The following SPAG9 variants were observed in gnomAD, a reference collection of about 807,000 sequenced individuals.
SPAG9 encodes the protein C-Jun-amino-terminal kinase-interacting protein 4.
Under a neutral mutation model 166.5 loss-of-function variants are expected in SPAG9, and 35 were observed. The observed-to-expected ratio is 0.21, with a 90% CI of 0.16 to 0.28. The LOEUF (loss-of-function observed/expected upper bound fraction) is 0.28. SPAG9 is among the 10% of genes least tolerant of loss of function. The pLI is 1.00. For missense variants in SPAG9, 1,235 were observed against 1,603.3 expected, an observed-to-expected ratio of 0.77 and a Z score of 3.92; for synonymous variants, 534 against 565.5, an observed-to-expected ratio of 0.94 and a Z score of 0.79.
At chr17:51,064,783 A>G (rs1430466693) in intron 2 of SPAG9, among the ~76,000 whole-genome samples, 1 of 152,158 alleles carries the variant, frequency 6.6e-6, no homozygotes, top group Non-Finnish European at 1.5e-5. Flanking sequence ...GCGATTGTAC[A>G]ACCTTGAAAA....
At position 50,982,570 on chromosome 17, in the gene SPAG9, T is replaced by A; in HGVS notation, c.3191A>T (p.Tyr1064Phe). 6.2e-7 allele frequency: 1 copy of A among 1,614,098 alleles called. No individual in the cohort carries two copies. Among genetic ancestry groups the A allele is most frequent in the Non-Finnish European group, 8.5e-7 (1 of 1,179,996 alleles). Residue 1064 changes from tyrosine to phenylalanine, a missense_variant, in exon 25 of 30, where the codon TAT (tyrosine) becomes TTT (phenylalanine). Physicochemically the swap from Tyr to Phe is conservative, Grantham distance 22. Around this residue, in one of 6 missense-constraint regions of SPAG9, gnomAD observed 243 missense variants for 358.6 expected, o/e 0.68. Coordinates refer to ENST00000262013, the MANE Select transcript of SPAG9 (RefSeq NM_001130528.3). ...TVVHDKVWCG[Y>F]RNKIYVVQPK... The stretch of plus-strand genomic sequence containing the variant: ...CTGCACCACATAGATTTTGTTCCTA[T>A]AGCCACACCAGACTTTGTCATGTAC...
At chr17:51,086,490 A>T (rs899943668) in intron 1 of SPAG9, among the ~76,000 whole-genome samples, 32 of 125,968 alleles carry the variant, frequency 2.5e-4, no homozygotes, top group South Asian at 9.6e-4. Flanking sequence ...AAAACACGAT[A>T]AAAAAAAAAA....
At chr17:50,988,738 G>A (rs1195537098) in intron 21 of SPAG9, among the ~76,000 whole-genome samples, 1 of 152,130 alleles carries the variant, frequency 6.6e-6, no homozygotes, top group African/African-American at 2.4e-5. Context: ...GTTTTTTGTA[G>A]AGATGAGGGT....
Position 51,053,855 on chromosome 17 carries a change from GTATATATATATATATATATA to G in SPAG9, c.495+2537_495+2556del, listed in dbSNP as rs1161592026. Among the ~76,000 whole-genome samples, 95 of 37,750 alleles carry G rather than the reference GTATATATATATATATATATA, an allele frequency of 2.5e-3. 1 individual carries two copies. Among genetic ancestry groups the G allele is most frequent in the East Asian group, 0.012 (9 of 760 alleles). The allele number at this position is 37,750 out of a possible 152,430, so 24.8% of individuals were successfully genotyped here. On this transcript the variant is annotated intron_variant, in intron 3 of 29. Transcript: ENST00000262013. ...CCTAATTAAAAAAAAAAAAAAAAAA[GTATATATATATATATATATA>G]TATATATATATATATATATATATAA...
At chr17:51,023,910 C>T (rs988798599) in intron 6 of SPAG9, among the ~76,000 whole-genome samples, 1 of 152,222 alleles carries the variant, frequency 6.6e-6, no homozygotes, top group Non-Finnish European at 1.5e-5. Flanking sequence ...AAGCGATCTG[C>T]TGGCCTCAGC....
intron 1 of SPAG9, among the ~76,000 whole-genome samples, chr17:51,095,130 CT>C (rs963323697): frequency 6.6e-6 from 1 of 150,520 alleles, no homozygotes; most frequent in African/African-American, 2.4e-5. Flanking sequence ...CCCGTCTCTA[CT>C]AAAAATACAA....
At chr17:51,026,876 A>C (rs1386026529) in intron 6 of SPAG9, among the ~76,000 whole-genome samples, 1 of 151,658 alleles carries the variant, frequency 6.6e-6, no homozygotes, top group East Asian at 2.0e-4. Context: ...AGGTTTCTCC[A>C]TGTTGGTCAG....
intron 1 of SPAG9, among the ~76,000 whole-genome samples, chr17:51,112,042 T>C (rs2049127078): frequency 1.3e-5 from 2 of 151,386 alleles, no homozygotes; most frequent in African/African-American, 2.4e-5. Flanking sequence ...TCTTTGTCTT[T>C]AAAAAAAAAT....
At chr17:51,105,074 C>T (rs1271546871) in intron 1 of SPAG9, among the ~76,000 whole-genome samples, 4 of 151,832 alleles carry the variant, frequency 2.6e-5, no homozygotes, top group Admixed American at 1.3e-4. Flanking sequence ...CCAGCCTAGG[C>T]GACTGAGCGA....
chr17:51,031,895 C>T (rs1483044100), intron 5 of SPAG9, 173 bp from the exon 6 acceptor site: 1 of 689,734 alleles, frequency 1.4e-6, no homozygotes, highest in African/African-American at 1.8e-5. Flanking sequence ...CTGACCTTAA[C>T]ACTCTAGTTT....
intron 26 of SPAG9, 59 bp from the exon 27 acceptor site, chr17:50,977,280 C>G (rs1974272169): frequency 9.5e-7 from 1 of 1,056,860 alleles, no homozygotes; most frequent in Non-Finnish European, 1.5e-6. Context: ...GTTTTACATT[C>G]CAAGTTCCTT....
At position 51,031,692 on chromosome 17, in the gene SPAG9, C is replaced by T. The variant is rs1463009187; in HGVS notation, c.772G>A (p.Val258Ile). Reference protein sequence around the residue: ...VSNSPEPQKAVEQEDELSDVS... With the variant: ...VSNSPEPQKAIEQEDELSDVS... ...AGCACCATTCTCACCTCCTGTTCTA[C>T]AGCCTTCTGAGGTTCAGGACTATTG... The change falls in exon 6 of 30, where the codon GTA (valine) becomes ATA (isoleucine). Residue 258 changes from valine to isoleucine, a missense_variant. Physicochemically the swap from Val to Ile is conservative, Grantham distance 29 (BLOSUM62 3). Transcript: ENST00000262013. 9.0e-6 allele frequency: 14 copies of T among 1,550,898 alleles called. No homozygotes were observed. Among genetic ancestry groups the T allele is most frequent in the African/African-American group, 4.1e-5 (3 of 73,008 alleles).
At chr17:50,969,854 A>G (rs116640639) in intron 29 of SPAG9, among the ~76,000 whole-genome samples, 52 of 152,212 alleles carry the variant, frequency 3.4e-4, no homozygotes, top group African/African-American at 1.2e-3. Flanking sequence ...CTACCCTTGG[A>G]AAGAACTGAC....
intron 10 of SPAG9, 63 bp from the exon 11 acceptor site, chr17:51,006,300 T>A: frequency 6.7e-7 from 1 of 1,491,892 alleles, no homozygotes; most frequent in Non-Finnish European, 9.3e-7. Flanking sequence ...TTTCAGCTAT[T>A]CCTTTGTAGA....
chr17:50,999,029 A>G (rs2044808975), intron 14 of SPAG9, among the ~76,000 whole-genome samples: 1 of 152,232 alleles, frequency 6.6e-6, no homozygotes, highest in African/African-American at 2.4e-5. Context: ...AGTTCTAAAA[A>G]CAGCTTATTA....
rs1973247493 is a variant in SPAG9, at chr17:50,964,234, A to C, written c.*2038T>G. The C allele has an allele frequency of 6.6e-6, 1 of 152,124 alleles. No homozygotes were observed. The highest frequency in any genetic ancestry group is 2.4e-5 in the African/African-American group (1 of 41,402). 9.4% of individuals were successfully genotyped at this position (152,124 alleles called of 1,614,324 possible). A position where few individuals can be genotyped will look rare whatever the true frequency, so the allele number is the denominator to read the frequency against. ...TCTTTTCTTTTCAGTAGTCCTTCTG[A>C]TGATTGGGGGCCTTTATCCCATAGG... is the stretch of plus-strand genomic sequence containing the variant. On this transcript the variant is annotated 3_prime_UTR_variant, in exon 30 of 30. Transcript: ENST00000262013.
chr17:51,060,321 G>C (rs1211855055), intron 2 of SPAG9, among the ~76,000 whole-genome samples: 1 of 151,882 alleles, frequency 6.6e-6, no homozygotes, highest in East Asian at 1.9e-4. Flanking sequence ...TGGCCAACAT[G>C]GTGAAACCCT....
In SPAG9 at chr17:51,049,224, C is replaced by A. The variant is rs925690902; in HGVS notation, c.496-1755G>T. Among the ~76,000 whole-genome samples the A allele has an allele frequency of 1.3e-4, 20 of 151,474 alleles. 1 individual carries two copies. The highest frequency in any genetic ancestry group is 4.2e-4 in the South Asian group (2 of 4,792). On this transcript the variant is annotated intron_variant, in intron 3 of 29. Transcript: ENST00000262013. ...ACCAGCTCTAGAAAAAAAAATACAA[C>A]AACTAGCAGGCACTCGCCTATAGTC... is the stretch of plus-strand genomic sequence containing the variant.
intron 2 of SPAG9, among the ~76,000 whole-genome samples, chr17:51,075,508 C>T (rs1384109956): frequency 6.6e-6 from 1 of 152,084 alleles, no homozygotes; most frequent in Admixed American, 6.6e-5. Context: ...GGATGTTAGA[C>T]AAGGAATTCT....
Sources: gnomAD v4.1 joint callset for allele counts (sites outside exome capture counted in the v4.1 genomes callset) on GRCh38, gnomAD v4.1.1 for gene constraint, gnomAD v4.1.1 regional missense constraint, MANE v1.5 for transcripts, NCBI Gene and HGNC (gene_info 2026-07-23, HGNC 2026-07-21) for gene names.